The following ANOS1 variants were observed in gnomAD, a reference collection of about 807,000 sequenced individuals.
The protein encoded by ANOS1 is anosmin-1.
Under a neutral mutation model 59.0 loss-of-function variants are expected in ANOS1, and 6 were observed. That is an observed-to-expected ratio of 0.10 (90% CI 0.06 to 0.20). The LOEUF (loss-of-function observed/expected upper bound fraction) is 0.20. Ranked by LOEUF, ANOS1 falls within the 10% of genes least tolerant of loss-of-function variation. ANOS1 has a pLI of 1.00. For missense variants in ANOS1, 433 were observed against 542.3 expected (o/e 0.80, Z 2.00); for synonymous variants, 217 against 223.4 (o/e 0.97, Z 0.25).
chrX:8,530,212 T>C lies in ANOS1; in HGVS notation c.*2783A>G, dbSNP rs139096797. ...AAATGTTGTAAATAAAAATAATGCATGTAACTGCAATGTATGTCAGATTAA... is the reference window on the plus strand; with the variant it reads ...AAATGTTGTAAATAAAAATAATGCACGTAACTGCAATGTATGTCAGATTAA... On this transcript the variant is annotated 3_prime_UTR_variant, in exon 14 of 14. Transcript: ENST00000262648. 5.4e-3 allele frequency: 605 copies of C among 111,971 alleles called. 3 individuals carry two copies. The highest frequency in any genetic ancestry group is 0.019 in the African/African-American group (588 of 30,867). 9.2% of individuals were successfully genotyped at this position (111,971 alleles called of 1,213,427 possible).
Position 8,597,147 on chromosome X carries a change from A to T in ANOS1, c.428T>A (p.Phe143Tyr). The change falls in exon 4 of 14, where the codon TTT becomes TAT. Residue 143 changes from phenylalanine (F) to tyrosine (Y), a missense_variant. Phe to Tyr is a conservative substitution (Grantham distance 22, BLOSUM62 3). Transcript: ENST00000262648. ...DCPAPEKASG[F>Y]AAACVESCEV... ...GCAGCTTTCAACACAGGCGGCCGCA[A>T]ATCCACTGGCTTTCTCAGGAGCCGG... 8.3e-7 allele frequency: 1 copy of T among 1,211,887 alleles called. No individual in the cohort carries two copies. The highest frequency in any genetic ancestry group is 1.1e-6 in the Non-Finnish European group (1 of 895,585).
At chrX:8,583,122 C>CTTT (rs35726224) in intron 6 of ANOS1, among the ~76,000 whole-genome samples, 22 of 95,788 alleles carry the variant, frequency 2.3e-4, no homozygotes, top group Non-Finnish European at 3.5e-4. Context: ...TGCTTTTGGC[C>CTTT]TTTTTTTTTT....
intron 2 of ANOS1, among the ~76,000 whole-genome samples, chrX:8,653,373 C>T (rs1020220995): frequency 5.4e-5 from 6 of 110,931 alleles, no homozygotes; most frequent in Non-Finnish European, 1.1e-4. Context: ...TGCTTGGATG[C>T]TCTCCTAGAT....
intron 2 of ANOS1, among the ~76,000 whole-genome samples, chrX:8,679,694 A>G (rs1210980213): frequency 9.0e-6 from 1 of 111,022 alleles, no homozygotes; most frequent in Non-Finnish European, 1.9e-5. Flanking sequence ...GTTTGGTAAG[A>G]TGAAAAAGTT....
At chrX:8,603,013 A>G (rs1930874186) in intron 3 of ANOS1, among the ~76,000 whole-genome samples, 1 of 112,091 alleles carries the variant, frequency 8.9e-6, no homozygotes, top group Non-Finnish European at 1.9e-5. Context: ...TGCTGGGATT[A>G]CAGGCGTGAG....
At chrX:8,725,948 G>A (rs938256355) in intron 1 of ANOS1, among the ~76,000 whole-genome samples, 2 of 109,934 alleles carry the variant, frequency 1.8e-5, no homozygotes, top group Non-Finnish European at 3.8e-5. Context: ...AATTCAGAAC[G>A]TGTTAGAAAC....
chrX:8,597,658 CTTTTTTTTTTT>C (rs35836743), intron 3 of ANOS1, among the ~76,000 whole-genome samples: 1 of 25,146 alleles, frequency 4.0e-5, no homozygotes, highest in Non-Finnish European at 7.0e-5. Context: ...TTCTTTCTCC[CTTTTTTTTTTT>C]TTTTTTTTTT....
At position 8,670,889 on chromosome X, in the gene ANOS1, A is replaced by G. The variant is rs1034801928; in HGVS notation, c.255+28809T>C. Among the ~76,000 whole-genome samples, 3 of 111,299 alleles carry G rather than the reference A, an allele frequency of 2.7e-5. No homozygotes were observed. In the Admixed American group the frequency reaches 2.9e-4, roughly 11 times the overall value. The stretch of plus-strand genomic sequence containing the variant: ...CTCCCCACTTTCCTAAGAAACTGGC[A>G]TCAGAACGGATGTTTCCATCTCCCT... On this transcript the variant is annotated intron_variant, in intron 2 of 13. Coordinates refer to ENST00000262648, the MANE Select transcript of ANOS1 (RefSeq NM_000216.4).
chrX:8,542,512 T>A (rs1201663306), intron 9 of ANOS1, among the ~76,000 whole-genome samples: 1 of 108,529 alleles, frequency 9.2e-6, no homozygotes, highest in African/African-American at 3.4e-5. Context: ...CTACAGCTGC[T>A]GTGACAAATT....
intron 6 of ANOS1, among the ~76,000 whole-genome samples, chrX:8,581,133 C>T (rs1440370480): frequency 9.1e-6 from 1 of 109,406 alleles, no homozygotes; most frequent in Non-Finnish European, 1.9e-5. Flanking sequence ...ACCGAAATCT[C>T]AACTTGAATT....
rs1280757358 is a variant in ANOS1 at position 8,685,599 on chromosome X, A to AG, written c.255+14098dup. Among the ~76,000 whole-genome samples, 59 of 42,692 alleles carry AG rather than the reference A, an allele frequency of 1.4e-3. No homozygotes were observed. In the South Asian group the frequency reaches 0.014, roughly 10 times the overall value. 37.1% of individuals were successfully genotyped at this position (42,692 alleles called of 115,157 possible). A position where few individuals can be genotyped will look rare whatever the true frequency, so the allele number is the denominator to read the frequency against. ...GAAGGAAAGAAAGAGAAAGAAAGGA[A>AG]GAAAGAAAGAAAGAAAGAAAGAAAG... On this transcript the variant is annotated intron_variant, in intron 2 of 13. Coordinates refer to ENST00000262648, the MANE Select transcript of ANOS1 (RefSeq NM_000216.4).
chrX:8,618,611 G>A (rs1931216906), intron 3 of ANOS1, among the ~76,000 whole-genome samples: 1 of 111,994 alleles, frequency 8.9e-6, no homozygotes, highest in African/African-American at 3.2e-5. Flanking sequence ...CATAAACAAT[G>A]ATATATCAAG....
chrX:8,691,629 G>T (rs1260841572), intron 2 of ANOS1, among the ~76,000 whole-genome samples: 1 of 112,093 alleles, frequency 8.9e-6, no homozygotes, highest in Non-Finnish European at 1.9e-5. Flanking sequence ...GAAGCATCAA[G>T]TGCATTCCAC....
chrX:8,532,964 T>C lies in ANOS1; in HGVS notation c.*31A>G. 1.0e-6 allele frequency: 1 copy of C among 965,943 alleles called. No homozygotes were observed. The highest frequency in any genetic ancestry group is 1.9e-5 in the South Asian group (1 of 51,552). The allele number at this position is 965,943 out of a possible 1,213,427, so 79.6% of individuals were successfully genotyped here. A position where few individuals can be genotyped will look rare whatever the true frequency, so the allele number is the denominator to read the frequency against. ...CCGAAGTTCAACAAGCTTACACATC[T>C]GTGCAATTTCACAAAATCTTTTTGA... On this transcript the variant is annotated 3_prime_UTR_variant, in exon 14 of 14. Coordinates refer to ENST00000262648, the MANE Select transcript of ANOS1 (RefSeq NM_000216.4).
At chrX:8,641,976 A>C (rs2146858014) in intron 2 of ANOS1, among the ~76,000 whole-genome samples, 1 of 111,488 alleles carries the variant, frequency 9.0e-6, no homozygotes, top group East Asian at 2.8e-4. Context: ...AAATTAGTAA[A>C]GTTTTATGTA....
chrX:8,720,505 T>A (rs1932867759), intron 1 of ANOS1, among the ~76,000 whole-genome samples: 1 of 112,323 alleles, frequency 8.9e-6, no homozygotes, highest in African/African-American at 3.2e-5. Flanking sequence ...TAAATTACTA[T>A]ATGTAAGGAT....
rs1240770344 is a variant in ANOS1 at position 8,730,949 on chromosome X, G to A, written c.207+881C>T. Among the ~76,000 whole-genome samples the A allele has an allele frequency of 4.5e-5, 5 of 111,812 alleles. No individual in the cohort carries two copies. In the East Asian group the frequency reaches 1.5e-3, roughly 32 times the overall value. On this transcript the variant is annotated intron_variant, in intron 1 of 13. Transcript: ENST00000262648. ...CCTCGCGCAAGTCCCGCGGGGGTCC[G>A]CGCCACAGGGCAGAGTCCCGGCAAC...
intron 3 of ANOS1, among the ~76,000 whole-genome samples, chrX:8,602,934 T>C (rs1601973738): frequency 9.0e-6 from 1 of 110,985 alleles, no homozygotes; most frequent in South Asian, 3.8e-4. Flanking sequence ...AGATGGGGTT[T>C]CATCATGTTG....
chrX:8,659,636 T>C (rs1329125066), intron 2 of ANOS1, among the ~76,000 whole-genome samples: 2 of 103,552 alleles, frequency 1.9e-5, no homozygotes, highest in Admixed American at 2.2e-4. Context: ...CTTCCTTCTT[T>C]CTTTTCTCTT....
Sources: gnomAD v4.1 joint callset for allele counts (sites outside exome capture counted in the v4.1 genomes callset) on GRCh38, gnomAD v4.1.1 for gene constraint, MANE v1.5 for transcripts, NCBI Gene and HGNC (gene_info 2026-07-23, HGNC 2026-07-21) for gene names.